Variants in FKTN observed in about 807,000 individuals in gnomAD.
FKTN encodes the protein fukutin.
A neutral mutation model predicts 58.6 loss-of-function variants in FKTN; 47 were observed. That is an observed-to-expected ratio of 0.80 (90% CI 0.63 to 1.02). FKTN has a LOEUF of 1.02. Ranked by LOEUF, FKTN falls within the 50% of genes least tolerant of loss-of-function variation. FKTN has a pLI of 0.00. For synonymous variants in FKTN, 178 were observed against 191.9 expected, an observed-to-expected ratio of 0.93 and a Z score of 0.60; for missense variants, 516 against 537.3, an observed-to-expected ratio of 0.96 and a Z score of 0.39.
chr9:105,563,386 G>A (rs1838681266), intron 1 of FKTN, among the ~76,000 whole-genome samples: 1 of 151,898 alleles, frequency 6.6e-6, no homozygotes, highest in Non-Finnish European at 1.5e-5. Context: ...AGGGGTCAGG[G>A]AATTCCCTTT....
intron 3 of FKTN, among the ~76,000 whole-genome samples, chr9:105,587,744 A>C (rs1410702413): frequency 6.6e-6 from 1 of 152,140 alleles, no homozygotes; most frequent in Non-Finnish European, 1.5e-5. Flanking sequence ...TTATTCTCAA[A>C]CATTAGGCTG....
At chr9:105,633,831 C>A (rs1833767653) in intron 10 of FKTN, among the ~76,000 whole-genome samples, 1 of 152,184 alleles carries the variant, frequency 6.6e-6, no homozygotes, top group Non-Finnish European at 1.5e-5. Context: ...TGGAGAACAT[C>A]CCAGTTAGAT....
chr9:105,575,170 C>T, intron 3 of FKTN, 33 bp downstream of exon 3: 1 of 1,120,188 alleles, frequency 8.9e-7, no homozygotes, highest in Non-Finnish European at 1.4e-6. Flanking sequence ...ATCATTCCTC[C>T]TTTCTTATCA....
intron 1 of FKTN, among the ~76,000 whole-genome samples, chr9:105,572,230 G>GTATATATA (rs35917146): frequency 2.1e-5 from 3 of 146,222 alleles, no homozygotes; most frequent in Non-Finnish European, 4.5e-5. Context: ...TCTTGAGACT[G>GTATATATA]TATATATATA....
rs1412456404 is a variant in FKTN, at chr9:105,579,588, A to T, written c.105+4451A>T. Reference sequence around the variant, plus strand: ...GCTGAGGAGAGCTTTACTTCCAAGTATGTGGTCAATTTTGGAATAGGTGTG... The same window carrying T: ...GCTGAGGAGAGCTTTACTTCCAAGTTTGTGGTCAATTTTGGAATAGGTGTG... On this transcript the variant is annotated intron_variant, in intron 3 of 10. Transcript: ENST00000357998. Among the ~76,000 whole-genome samples, 337 of 150,628 alleles carry T rather than the reference A, an allele frequency of 2.2e-3. 2 individuals carry two copies. Among genetic ancestry groups the T allele is most frequent in the African/African-American group, 8.0e-3 (327 of 40,808 alleles).
intron 10 of FKTN, among the ~76,000 whole-genome samples, chr9:105,630,338 T>C (rs1833260035): frequency 6.6e-6 from 1 of 152,196 alleles, no homozygotes; most frequent in South Asian, 2.1e-4. Flanking sequence ...GTGAAAATGA[T>C]AAAATTTTCT....
Position 105,618,508 on chromosome 9 carries a change from G to A in FKTN, c.1044+416G>A, listed in dbSNP as rs188561098. On this transcript the variant is annotated intron_variant, in intron 9 of 10. Transcript: ENST00000357998. ...CTCATGAGTCATTTAATTTACAGAT[G>A]TCATTATCAACATAAAATATTCCAT... Among the ~76,000 whole-genome samples, 975 of 152,244 alleles carry A rather than the reference G, an allele frequency of 6.4e-3. 16 individuals carry two copies. The highest frequency in any genetic ancestry group is 0.022 in the African/African-American group (934 of 41,534).
At chr9:105,570,355 C>T in intron 1 of FKTN, among the ~76,000 whole-genome samples, 1 of 152,118 alleles carries the variant, frequency 6.6e-6, no homozygotes, top group Non-Finnish European at 1.5e-5. Flanking sequence ...AAAATAGAAA[C>T]TAGTAAAAGC....
chr9:105,618,691 A>G (rs541079962), intron 9 of FKTN, among the ~76,000 whole-genome samples: 3 of 152,344 alleles, frequency 2.0e-5, no homozygotes, highest in Admixed American at 6.5e-5. Flanking sequence ...TTTGATTCCT[A>G]TGCCCTAAGC....
At position 105,636,719 on chromosome 9, in the gene FKTN, T is replaced by C; in HGVS notation, c.*1455T>C. The stretch of plus-strand genomic sequence containing the variant: ...TCTTATCTATGCTATTTAGGACTAC[T>C]TTCTGGAGCTTGGCAGATTTTCCTC... On this transcript the variant is annotated 3_prime_UTR_variant, in exon 11 of 11. Transcript: ENST00000357998. 1.5e-6 allele frequency: 2 copies of C among 1,298,780 alleles called. No homozygotes were observed. The highest frequency in any genetic ancestry group is 2.5e-5 in the South Asian group (2 of 80,092). 80.5% of individuals were successfully genotyped at this position (1,298,780 alleles called of 1,614,324 possible). A position where few individuals can be genotyped will look rare whatever the true frequency, so the allele number is the denominator to read the frequency against.
intron 10 of FKTN, among the ~76,000 whole-genome samples, chr9:105,628,016 T>C (rs1021866232): frequency 6.6e-6 from 1 of 152,214 alleles, no homozygotes; most frequent in Non-Finnish European, 1.5e-5. Flanking sequence ...TTTCAATCAT[T>C]CTGCTTCACA....
At chr9:105,615,654 T>C (rs1830670522) in intron 8 of FKTN, among the ~76,000 whole-genome samples, 1 of 152,204 alleles carries the variant, frequency 6.6e-6, no homozygotes, top group African/African-American at 2.4e-5. Context: ...GTATAAAATG[T>C]ATATCAGAAC....
At chr9:105,572,628 G>C (rs1181015724) in intron 1 of FKTN, among the ~76,000 whole-genome samples, 1 of 152,154 alleles carries the variant, frequency 6.6e-6, no homozygotes, top group Non-Finnish European at 1.5e-5. Context: ...ACATGAACTA[G>C]CAAGAAAGGA....
At chr9:105,565,072 A>T (rs566089314) in intron 1 of FKTN, among the ~76,000 whole-genome samples, 62 of 152,312 alleles carry the variant, frequency 4.1e-4, no homozygotes, top group African/African-American at 1.2e-3. Flanking sequence ...AAGGAGAAAT[A>T]AAATCCTTTA....
chr9:105,563,665 T>A (rs1438051516), intron 1 of FKTN, among the ~76,000 whole-genome samples: 4 of 151,946 alleles, frequency 2.6e-5, no homozygotes, highest in African/African-American at 9.7e-5. Context: ...AAGCTCGAAC[T>A]GGGTGGAGCC....
chr9:105,608,002 A>T, intron 7 of FKTN, 51 bp downstream of exon 7: 1 of 1,511,294 alleles, frequency 6.6e-7, no homozygotes, highest in Non-Finnish European at 9.2e-7. Flanking sequence ...TGTTGGGATT[A>T]TTTTTAATAT....
rs759355676 is a variant in FKTN at position 105,604,197 on chromosome 9, A to T, written c.370-18A>T. ...TTTAAGTGTTGTTTCTTGATGTTTG[A>T]TGCTTCTTTGGTTCTAGGAAGGCTG... On this transcript the variant is annotated intron_variant, in intron 5 of 10. Transcript: ENST00000357998. 52 of 1,611,502 alleles carry T rather than the reference A, an allele frequency of 3.2e-5. No homozygotes were observed. In the South Asian group the frequency reaches 4.8e-4, roughly 15 times the overall value.
chr9:105,617,225 A>G (rs565966021), intron 8 of FKTN, among the ~76,000 whole-genome samples: 1 of 152,334 alleles, frequency 6.6e-6, no homozygotes, highest in Admixed American at 6.5e-5. Context: ...ATGATTAGAA[A>G]GATCATAGGG....
intron 1 of FKTN, among the ~76,000 whole-genome samples, chr9:105,568,887 C>G (rs959239712): frequency 3.3e-5 from 5 of 152,166 alleles, no homozygotes; most frequent in African/African-American, 1.2e-4. Flanking sequence ...CTGGAACCAA[C>G]CCAGATGTCC....
Sources: allele counts gnomAD v4.1 joint callset (sites outside exome capture counted in the v4.1 genomes callset), GRCh38; gene constraint gnomAD v4.1.1; transcripts MANE v1.5; gene names NCBI Gene and HGNC (gene_info 2026-07-23, HGNC 2026-07-21).